Variants in ANKFN1 observed in about 807,000 individuals in gnomAD.
ANKFN1 encodes ankyrin repeat and fibronectin type-III domain-containing protein 1.
A neutral mutation model predicts 108.7 loss-of-function variants in ANKFN1; 74 were observed. That is an observed-to-expected ratio of 0.68 (90% CI 0.56 to 0.83). ANKFN1 has a LOEUF of 0.83. Among genes scored for constraint, ANKFN1 ranks in the 40% least tolerant of loss-of-function variants. The pLI is 0.00. For missense variants in ANKFN1, 1,505 were observed against 1,382.3 expected (o/e 1.09, Z -1.41); for synonymous variants, 547 against 516.2 (o/e 1.06, Z -0.81).
intron 3 of ANKFN1, among the ~76,000 whole-genome samples, chr17:56,304,077 GA>G: frequency 6.6e-6 from 1 of 151,980 alleles, no homozygotes; most frequent in Non-Finnish European, 1.5e-5. Context: ...CCAGAATATT[GA>G]TATTGTCAAG....
intron 8 of ANKFN1, among the ~76,000 whole-genome samples, chr17:56,411,793 T>C (rs2048098078): frequency 6.6e-6 from 1 of 152,232 alleles, no homozygotes; most frequent in Non-Finnish European, 1.5e-5. Flanking sequence ...ATCACATTTA[T>C]TGATTTATAT....
At chr17:56,496,552 T>C (rs2051206687) in intron 19 of ANKFN1, among the ~76,000 whole-genome samples, 2 of 152,100 alleles carry the variant, frequency 1.3e-5, no homozygotes, top group Non-Finnish European at 2.9e-5. Context: ...ATTCCTTGAC[T>C]TCTGGCCACA....
At chr17:56,055,116 T>A (rs1904845286) in intron 4 of ANKFN1, among the ~76,000 whole-genome samples, 1 of 151,788 alleles carries the variant, frequency 6.6e-6, no homozygotes, top group South Asian at 2.1e-4. Context: ...GTTTATTACA[T>A]GGATATATTG....
At chr17:56,126,738 C>T (rs538708474) in intron 4 of ANKFN1, among the ~76,000 whole-genome samples, 1 of 152,326 alleles carries the variant, frequency 6.6e-6, no homozygotes, top group African/African-American at 2.4e-5. Context: ...CACTTGCTCC[C>T]AAGCCCAATC....
In ANKFN1 at chr17:56,096,206, C is replaced by A. The variant is rs189695500; in HGVS notation, c.288+49881C>A. ...AGCTACGTTTCCACAGGGCATAGCT[C>A]TTCCCACACCAGCCAGAGGCCAGGA... On this transcript the variant is annotated intron_variant, in intron 4 of 12. Coordinates refer to the ANKFN1 transcript ENST00000635860. Among the ~76,000 whole-genome samples the A allele has an allele frequency of 2.8e-3, 431 of 152,272 alleles. 1 individual carries two copies. The highest frequency in any genetic ancestry group is 9.9e-3 in the African/African-American group (411 of 41,556).
intron 14 of ANKFN1, 29 bp from the exon 15 acceptor site, chr17:56,466,327 T>G (rs1416401204): frequency 6.3e-7 from 1 of 1,594,438 alleles, no homozygotes; most frequent in Non-Finnish European, 8.6e-7. Flanking sequence ...TAATACCCTC[T>G]ATGCTACCGG....
At chr17:56,350,442 T>G (rs2046216058) in intron 4 of ANKFN1, among the ~76,000 whole-genome samples, 1 of 152,152 alleles carries the variant, frequency 6.6e-6, no homozygotes, top group Non-Finnish European at 1.5e-5. Flanking sequence ...ACTTCCTCAC[T>G]TGGGATAGAG....
intron 7 of ANKFN1, among the ~76,000 whole-genome samples, chr17:56,373,257 ATTT>A (rs2046858627): frequency 1.3e-5 from 2 of 152,318 alleles, no homozygotes; most frequent in African/African-American, 4.8e-5. Context: ...GCTCTACTGC[ATTT>A]TTTTATATAG....
In ANKFN1 at chr17:56,343,636, G is replaced by A. The variant is rs541507326; in HGVS notation, c.189-7130G>A. On this transcript the variant is annotated intron_variant, in intron 4 of 20. Coordinates refer to ENST00000682825, the MANE Select transcript of ANKFN1 (RefSeq NM_001370326.1). ...CCTGTTGATGCATAGTTAAATAGGGGCATATTTTGGCCATTATTTCTTCAA... is the reference window on the plus strand; with the variant it reads ...CCTGTTGATGCATAGTTAAATAGGGACATATTTTGGCCATTATTTCTTCAA... Among the ~76,000 whole-genome samples the A allele has an allele frequency of 1.3e-3, 191 of 151,778 alleles. 1 individual carries two copies. The highest frequency in any genetic ancestry group is 4.2e-3 in the African/African-American group (172 of 41,442).
Position 56,339,174 on chromosome 17 carries a change from TATTTC to T in ANKFN1, c.189-11586_189-11582del, listed in dbSNP as rs914044794. Among the ~76,000 whole-genome samples the T allele has an allele frequency of 7.5e-5, 9 of 120,740 alleles. No individual in the cohort carries two copies. The East Asian group carries it at 1.1e-3, about 15-fold the overall frequency. 79.2% of individuals were successfully genotyped at this position (120,740 alleles called of 152,430 possible). ...CTATTGTAAATTAAATTGTTTTCTT[TATTTC>T]ATTTCCATTTCATTGTCATTTAAAT... On this transcript the variant is annotated intron_variant, in intron 4 of 20. Transcript: ENST00000682825.
intron 8 of ANKFN1, among the ~76,000 whole-genome samples, chr17:56,396,278 T>A (rs996122492): frequency 6.6e-6 from 1 of 152,084 alleles, no homozygotes; most frequent in Admixed American, 6.5e-5. Context: ...TGAAACCCCG[T>A]CTCTACTAAA....
chr17:56,120,821 A>T (rs967117367), intron 4 of ANKFN1, among the ~76,000 whole-genome samples: 6 of 152,084 alleles, frequency 3.9e-5, no homozygotes, highest in African/African-American at 1.2e-4. Context: ...GCAGTATGCT[A>T]TTTGTTCTTC....
At chr17:56,487,274 G>A (rs571571551) in intron 18 of ANKFN1, among the ~76,000 whole-genome samples, 2 of 152,240 alleles carry the variant, frequency 1.3e-5, no homozygotes, top group South Asian at 4.2e-4. Context: ...CAATAATAAA[G>A]CATGTTCCTG....
At chr17:56,283,087 T>C (rs2044126884) in intron 3 of ANKFN1, among the ~76,000 whole-genome samples, 1 of 152,188 alleles carries the variant, frequency 6.6e-6, no homozygotes, top group African/African-American at 2.4e-5. Context: ...ATAAGCATGG[T>C]ACTCAATAGG....
rs187958111 is a variant in ANKFN1, at chr17:56,351,065, G to A, written c.390+98G>A. On this transcript the variant is annotated intron_variant, in intron 5 of 20. Coordinates refer to ENST00000682825, the MANE Select transcript of ANKFN1 (RefSeq NM_001370326.1). ...ATGATTCATGTTTACTTCAGAAGTT[G>A]ATGCTTGCAATTTTATAAATGCTGG... The A allele has an allele frequency of 1.8e-5, 22 of 1,237,116 alleles. No individual in the cohort carries two copies. In the Admixed American group the frequency reaches 5.0e-4, roughly 28 times the overall value. The allele number at this position is 1,237,116 out of a possible 1,614,324, so 76.6% of individuals were successfully genotyped here.
At chr17:56,338,340 G>T (rs2045872307) in intron 4 of ANKFN1, among the ~76,000 whole-genome samples, 1 of 151,486 alleles carries the variant, frequency 6.6e-6, no homozygotes, top group Non-Finnish European at 1.5e-5. Context: ...ACTAGGAGAA[G>T]TACCTAATGT....
chr17:56,308,943 T>G (rs180687059), intron 3 of ANKFN1, among the ~76,000 whole-genome samples: 9 of 152,286 alleles, frequency 5.9e-5, no homozygotes. Context: ...ATATAATTAT[T>G]TTTATATGTT....
rs1385873541 is a variant in ANKFN1 at position 56,113,857 on chromosome 17, GAT to G, written c.288+67534_288+67535del. 1.5e-3 allele frequency among the ~76,000 whole-genome samples: 19 copies of G among 12,446 alleles called. No individual in the cohort carries two copies. The African/African-American group carries it at 0.053, about 35-fold the overall frequency. The allele number at this position is 12,446 out of a possible 152,430, so 8.2% of individuals were successfully genotyped here. A position where few individuals can be genotyped will look rare whatever the true frequency, so the allele number is the denominator to read the frequency against. ...GTCAGATGGATATATGATTAGGAGAGATAGATGTTAGAGGGAAATTCATTGAT... is the reference window on the plus strand; with the variant it reads ...GTCAGATGGATATATGATTAGGAGAGAGATGTTAGAGGGAAATTCATTGAT... On this transcript the variant is annotated intron_variant, in intron 4 of 12. Coordinates refer to the ANKFN1 transcript ENST00000635860.
intron 8 of ANKFN1, among the ~76,000 whole-genome samples, chr17:56,407,378 G>A (rs920133917): frequency 6.6e-6 from 1 of 152,174 alleles, no homozygotes; most frequent in Non-Finnish European, 1.5e-5. Context: ...ATCTTATGAG[G>A]TAGGATATAT....
Sources: gnomAD v4.1 joint callset for allele counts (sites outside exome capture counted in the v4.1 genomes callset) on GRCh38, gnomAD v4.1.1 for gene constraint, MANE v1.5 for transcripts, NCBI Gene and HGNC (gene_info 2026-07-23, HGNC 2026-07-21) for gene names.